The following PRKACA variants were observed in gnomAD, a reference collection of about 807,000 sequenced individuals.
The protein encoded by PRKACA is cAMP-dependent protein kinase catalytic subunit alpha.
PRKACA carries 9 observed loss-of-function variants against 45.8 expected under a neutral mutation model. That is an observed-to-expected ratio of 0.20 (90% confidence interval 0.12 to 0.34). The LOEUF (loss-of-function observed/expected upper bound fraction) is 0.34, where lower values mean the gene tolerates loss of function less well. Among genes scored for constraint, PRKACA ranks in the 10% least tolerant of loss-of-function variants. The pLI, the probability that PRKACA is intolerant of heterozygous loss-of-function variation, is 1.00. For synonymous variants in PRKACA, 160 were observed against 178.6 expected (o/e 0.90, Z 0.83); for missense variants, 238 against 458.6 (o/e 0.52, Z 4.39).
chr19:14,115,299 T>C (rs905317582), intron 1 of PRKACA: 1 of 173,216 alleles, frequency 5.8e-6, no homozygotes, highest in African/African-American at 2.4e-5. Context: ...GAGCTCCAAG[T>C]TTACATCTGA....
intron 3 of PRKACA, among the ~76,000 whole-genome samples, chr19:14,106,389 C>T (rs1011343982): frequency 5.9e-5 from 9 of 152,122 alleles, no homozygotes; most frequent in African/African-American, 2.2e-4. Context: ...CGCGGTGGCT[C>T]ACGCCTGTAA....
At position 14,093,706 on chromosome 19, in the gene PRKACA, G is replaced by A. The variant is rs748549700; in HGVS notation, c.852C>T (p.Asn284=). 1.2e-6 allele frequency: 2 copies of A among 1,613,930 alleles called. No individual in the cohort carries two copies. Among genetic ancestry groups the A allele is most frequent in the Non-Finnish European group, 1.7e-6 (2 of 1,179,986 alleles). Residue 284 remains asparagine, a synonymous_variant, in exon 9 of 10, where the codon AAC becomes AAT. Transcript: ENST00000308677. ...LQVDLTKRFG[N]LKNGVNDIKN... ...TGATATCGTTGACCCCATTCTTGAGGTTCCCAAAGCGCTTGGTGAGATCTA... is the reference window on the plus strand; with the variant it reads ...TGATATCGTTGACCCCATTCTTGAGATTCCCAAAGCGCTTGGTGAGATCTA...
At position 14,097,292 on chromosome 19, in the gene PRKACA, G is replaced by C. The variant is rs1977287520; in HGVS notation, c.765+69C>G. 2 of 1,605,572 alleles carry C rather than the reference G, an allele frequency of 1.2e-6. No homozygotes were observed. Among genetic ancestry groups the C allele is most frequent in the Non-Finnish European group, 1.7e-6 (2 of 1,173,250 alleles). On this transcript the variant is annotated intron_variant, in intron 8 of 9. Coordinates refer to ENST00000308677, the MANE Select transcript of PRKACA (RefSeq NM_002730.4). This position sits in a 1 kb window ranked among gnomAD's most constrained non-coding sequence, Gnocchi z 5.4. ...TTCTGACAACAAGCAGGGCTCCCCA[G>C]GGAATAGGATGGGTGAGCAGGGAAC...
At position 14,092,515 on chromosome 19, in the gene PRKACA, G is replaced by A. The variant is rs1009617039; in HGVS notation, c.*597C>T. On this transcript the variant is annotated 3_prime_UTR_variant, in exon 10 of 10. Coordinates refer to ENST00000308677, the MANE Select transcript of PRKACA (RefSeq NM_002730.4). ...ATGGGGGGACATGGGAGGGGTGGGA[G>A]TAGAGGAAGGAGGGAGGGAGGCACT... The A allele has an allele frequency of 1.5e-5, 6 of 397,926 alleles. No homozygotes were observed. The highest frequency in any genetic ancestry group is 2.2e-5 in the Non-Finnish European group (5 of 225,668). 24.6% of individuals were successfully genotyped at this position (397,926 alleles called of 1,614,324 possible).
At chr19:14,113,885 C>T (rs1967040817) in intron 1 of PRKACA, among the ~76,000 whole-genome samples, 1 of 152,116 alleles carries the variant, frequency 6.6e-6, no homozygotes. Context: ...ATGGACCACT[C>T]CACCACCCCT....
At chr19:14,107,878 C>A in intron 1 of PRKACA, 1 of 990,956 alleles carries the variant, frequency 1.0e-6, no homozygotes, top group Non-Finnish European at 1.2e-6. Context: ...CCCCAGCTGG[C>A]CCTGTTCCTC....
chr19:14,093,921 G>A (rs1025560762), intron 8 of PRKACA, 129 bp from the exon 9 acceptor site: 61 of 939,626 alleles, frequency 6.5e-5, no homozygotes, highest in Non-Finnish European at 9.5e-5. Flanking sequence ...CCAGCATCTT[G>A]TAAAACAGCT....
Position 14,092,226 on chromosome 19 carries a change from T to C in PRKACA, c.*886A>G. 1 of 168,598 alleles carries C rather than the reference T, an allele frequency of 5.9e-6. No individual in the cohort carries two copies. Among genetic ancestry groups the C allele is most frequent in the Non-Finnish European group, 1.3e-5 (1 of 78,904 alleles). 10.4% of individuals were successfully genotyped at this position (168,598 alleles called of 1,614,324 possible). On this transcript the variant is annotated 3_prime_UTR_variant, in exon 10 of 10. Coordinates refer to ENST00000308677, the MANE Select transcript of PRKACA (RefSeq NM_002730.4). ...GGGAGGAAAGACTTGGGCTTGGGGC[T>C]CCCCCTCTGTCTTTTTGGGGGATGA...
At position 14,107,427 on chromosome 19, in the gene PRKACA, G is replaced by A. The variant is rs765813011; in HGVS notation, c.47-18C>T. 1.2e-6 allele frequency: 2 copies of A among 1,612,082 alleles called. No individual in the cohort carries two copies. The highest frequency in any genetic ancestry group is 4.5e-5 in the East Asian group (2 of 44,884). On this transcript the variant is annotated intron_variant, in intron 1 of 9. Transcript: ENST00000308677. ...TTCTTTCACTGAAAGGGAGAGAGGG[G>A]AGAGTTATACAGAGACGCCCGTCTC...
At chr19:14,100,586 C>T (rs1020971823) in intron 5 of PRKACA, among the ~76,000 whole-genome samples, 1 of 152,224 alleles carries the variant, frequency 6.6e-6, no homozygotes, top group Non-Finnish European at 1.5e-5. Flanking sequence ...GTGAGAACCA[C>T]CGTGCCTGGC....
chr19:14,096,089 A>G (rs1178616768), intron 8 of PRKACA, among the ~76,000 whole-genome samples: 2 of 120,790 alleles, frequency 1.7e-5, no homozygotes, highest in African/African-American at 6.7e-5. Context: ...CCCAGGCTGG[A>G]GTACAATGGT....
chr19:14,093,322 A>G, intron 9 of PRKACA, 85 bp from the exon 10 acceptor site: 1 of 1,523,688 alleles, frequency 6.6e-7, no homozygotes, highest in Non-Finnish European at 9.0e-7. Flanking sequence ...CTAACATTCA[A>G]GAGATATTTA....
At chr19:14,102,716 G>C in intron 4 of PRKACA, 100 bp downstream of exon 4, 1 of 989,890 alleles carries the variant, frequency 1.0e-6, no homozygotes, top group Non-Finnish European at 1.6e-6. Context: ...CCACAAAAGA[G>C]AGCAGCCACT....
chr19:14,104,650 C>T (rs372304552), intron 3 of PRKACA, among the ~76,000 whole-genome samples: 6 of 147,686 alleles, frequency 4.1e-5, no homozygotes, highest in African/African-American at 1.3e-4. Context: ...GAGCCAAGAT[C>T]GTGCCACTGC....
At chr19:14,113,426 G>A (rs986276772) in intron 1 of PRKACA, among the ~76,000 whole-genome samples, 1 of 152,096 alleles carries the variant, frequency 6.6e-6, no homozygotes, top group Non-Finnish European at 1.5e-5. Flanking sequence ...CTCTCACTCT[G>A]GTCCAGATTC....
At chr19:14,094,079 G>T (rs902314329) in intron 8 of PRKACA, among the ~76,000 whole-genome samples, 2 of 150,636 alleles carry the variant, frequency 1.3e-5, no homozygotes, top group Non-Finnish European at 2.9e-5. Flanking sequence ...GCCCAGGCTG[G>T]TCTTGAACTT....
Position 14,106,861 on chromosome 19 carries a change from G to A in PRKACA, c.136C>T (p.Arg46Ter). ...QNTAHLDQFE[R>*]IKTLGTGSFG... Reference sequence around the variant, plus strand: ...GAGCCCGTGCCGAGGGTCTTGATTCGTTCAAACTGATCCAAGTGGGCTGTG... The same window carrying A: ...GAGCCCGTGCCGAGGGTCTTGATTCATTCAAACTGATCCAAGTGGGCTGTG... Residue 46 changes from arginine to a stop codon, truncating the protein, a stop_gained, in exon 3 of 10, where the codon CGA (arginine) becomes TGA (stop). Coordinates refer to ENST00000308677, the MANE Select transcript of PRKACA (RefSeq NM_002730.4). LOFTEE classifies it high-confidence loss of function. 1 of 1,614,146 alleles carries A rather than the reference G, an allele frequency of 6.2e-7. No homozygotes were observed. The highest frequency in any genetic ancestry group is 8.5e-7 in the Non-Finnish European group (1 of 1,179,990).
Position 14,091,996 on chromosome 19 carries a change from G to C in PRKACA, c.*1116C>G, listed in dbSNP as rs1977086225. 1 of 152,304 alleles carries C rather than the reference G, an allele frequency of 6.6e-6. No individual in the cohort carries two copies. The highest frequency in any genetic ancestry group is 1.5e-5 in the Non-Finnish European group (1 of 68,088). The allele number at this position is 152,304 out of a possible 1,614,324, so 9.4% of individuals were successfully genotyped here. On this transcript the variant is annotated 3_prime_UTR_variant, in exon 10 of 10. Transcript: ENST00000308677. ...AGCTAAGCTGGAGGAGGGGCGCCCA[G>C]GATGGGGGAGGCGGAAGCTGGTGGG... is the stretch of plus-strand genomic sequence containing the variant.
rs1318916296 is a variant in PRKACA at position 14,092,578 on chromosome 19, T to TA, written c.*533dup. On this transcript the variant is annotated 3_prime_UTR_variant, in exon 10 of 10. Coordinates refer to ENST00000308677, the MANE Select transcript of PRKACA (RefSeq NM_002730.4). ...ATAAGATTTTAAATTGTTGTTTTTTTAAAAAAATTCTAGCAAGCAACCCAC... is the reference window on the plus strand; with the variant it reads ...ATAAGATTTTAAATTGTTGTTTTTTTAAAAAAAATTCTAGCAAGCAACCCAC... 5.0e-6 allele frequency: 2 copies of TA among 398,554 alleles called. No homozygotes were observed. The highest frequency in any genetic ancestry group is 3.6e-5 in the East Asian group (1 of 28,084). The allele number at this position is 398,554 out of a possible 1,614,324, so 24.7% of individuals were successfully genotyped here.
Sources: gnomAD v4.1 joint callset for allele counts (sites outside exome capture counted in the v4.1 genomes callset) on GRCh38, gnomAD v4.1.1 for gene constraint, Gnocchi (gnomAD v3.1) non-coding constraint, MANE v1.5 for transcripts, NCBI Gene and HGNC (gene_info 2026-07-23, HGNC 2026-07-21) for gene names.